The following LARS2 variants were observed in gnomAD, a reference collection of about 807,000 sequenced individuals.
LARS2 encodes leucine--tRNA ligase, mitochondrial.
A neutral mutation model predicts 116.6 loss-of-function variants in LARS2; 81 were observed. The ratio of observed to expected loss-of-function variants is 0.69; its 90% confidence interval spans 0.58 to 0.84. The LOEUF is 0.84. LARS2 is among the 40% of genes least tolerant of loss of function. The probability of loss-of-function intolerance (pLI) is 0.00; values close to 1 mark genes in which losing one functional copy is unlikely to be tolerated. For missense variants in LARS2, 968 were observed against 1,114.5 expected, an observed-to-expected ratio of 0.87 and a Z score of 1.87; for synonymous variants, 396 against 407.2, an observed-to-expected ratio of 0.97 and a Z score of 0.33.
chr3:45,429,572 G>T (rs1160292140), intron 6 of LARS2, among the ~76,000 whole-genome samples: 1 of 151,976 alleles, frequency 6.6e-6, no homozygotes, highest in Non-Finnish European at 1.5e-5. Flanking sequence ...GATAATTTAG[G>T]ATACCCTTCT....
chr3:45,546,482 A>G (rs1559503311), intron 21 of LARS2, among the ~76,000 whole-genome samples: 1 of 152,230 alleles, frequency 6.6e-6, no homozygotes, highest in African/African-American at 2.4e-5. Flanking sequence ...AAATGCCACC[A>G]AGTTCTGCAA....
intron 8 of LARS2, among the ~76,000 whole-genome samples, chr3:45,470,488 T>C (rs1035068724): frequency 6.6e-6 from 1 of 152,158 alleles, no homozygotes; most frequent in Non-Finnish European, 1.5e-5. Flanking sequence ...ACATCTTCGT[T>C]CAGATGGTGT....
chr3:45,436,654 C>T (rs1356079639), intron 6 of LARS2, among the ~76,000 whole-genome samples: 2 of 151,598 alleles, frequency 1.3e-5, no homozygotes, highest in South Asian at 2.1e-4. Flanking sequence ...ATTAGCCGGG[C>T]GCGGTGGCGG....
chr3:45,422,092 C>CA (rs1250836408), intron 6 of LARS2: 1 of 152,162 alleles, frequency 6.6e-6, no homozygotes, highest in Non-Finnish European at 1.5e-5. Context: ...AATGAATTCT[C>CA]AAAAAATCAA....
intron 21 of LARS2, among the ~76,000 whole-genome samples, chr3:45,544,204 G>T (rs1452406956): frequency 6.6e-6 from 1 of 152,212 alleles, no homozygotes; most frequent in African/African-American, 2.4e-5. Context: ...GCTGGGCTCT[G>T]CCCACACCAG....
chr3:45,452,855 T>C (rs1316894303), intron 7 of LARS2, among the ~76,000 whole-genome samples: 1 of 152,192 alleles, frequency 6.6e-6, no homozygotes, highest in East Asian at 1.9e-4. Context: ...TCATGACTTG[T>C]TCTATTCAGG....
intron 2 of LARS2, among the ~76,000 whole-genome samples, chr3:45,393,130 ACTGGATATC>A (rs1334481813): frequency 6.6e-6 from 1 of 152,228 alleles, no homozygotes; most frequent in Admixed American, 6.5e-5. Context: ...TTGAATCACA[ACTGGATATC>A]CTGGTAGGCC....
At chr3:45,396,244 C>G (rs1007670004) in intron 3 of LARS2, among the ~76,000 whole-genome samples, 102 of 152,196 alleles carry the variant, frequency 6.7e-4, no homozygotes, top group African/African-American at 2.4e-3. Context: ...GGGTTTGAAT[C>G]AAGGAATGGC....
At chr3:45,404,739 G>T (rs895031638) in intron 4 of LARS2, among the ~76,000 whole-genome samples, 1 of 152,130 alleles carries the variant, frequency 6.6e-6, no homozygotes, top group Non-Finnish European at 1.5e-5. Context: ...GGGATTACAA[G>T]TACACGCCAC....
chr3:45,436,177 G>T (rs956627992), intron 6 of LARS2, among the ~76,000 whole-genome samples: 1 of 152,132 alleles, frequency 6.6e-6, no homozygotes, highest in Non-Finnish European at 1.5e-5. Context: ...TGGAATTGAT[G>T]ATTGATATTT....
chr3:45,542,468 C>A (rs1196076289), intron 21 of LARS2, among the ~76,000 whole-genome samples: 1 of 152,142 alleles, frequency 6.6e-6, no homozygotes, highest in African/African-American at 2.4e-5. Flanking sequence ...GAGCAAGTAA[C>A]CCCCTTATAG....
intron 21 of LARS2, among the ~76,000 whole-genome samples, chr3:45,544,546 G>A (rs1003780556): frequency 3.3e-5 from 5 of 152,182 alleles, no homozygotes; most frequent in Non-Finnish European, 5.9e-5. Flanking sequence ...AACTTCCCAG[G>A]TGTGAGCTTA....
chr3:45,463,317 G>A (rs935351534), intron 8 of LARS2, among the ~76,000 whole-genome samples: 4 of 152,198 alleles, frequency 2.6e-5, no homozygotes, highest in Non-Finnish European at 5.9e-5. Flanking sequence ...CCATGCACGC[G>A]CCCCTCCTTG....
At chr3:45,471,109 T>C (rs4682787) in intron 8 of LARS2, among the ~76,000 whole-genome samples, 125,814 of 144,586 alleles carry the variant, frequency 0.87, 55,300 homozygotes, top group East Asian at 0.98. Flanking sequence ...AAAACAAAAA[T>C]AGCTCTTTAA....
At chr3:45,526,987 G>C (rs1263933037) in intron 20 of LARS2, among the ~76,000 whole-genome samples, 1 of 152,170 alleles carries the variant, frequency 6.6e-6, no homozygotes, top group Non-Finnish European at 1.5e-5. Flanking sequence ...AGGGTGAGTG[G>C]CACCTCATCC....
intron 7 of LARS2, 145 bp downstream of exon 7, chr3:45,447,125 A>G: frequency 3.6e-6 from 2 of 552,812 alleles, no homozygotes; most frequent in Non-Finnish European, 3.2e-6. Context: ...ACTTAAGTTT[A>G]GTGTCATCAA....
At chr3:45,438,703 T>C (rs1248008882) in intron 6 of LARS2, among the ~76,000 whole-genome samples, 1 of 147,274 alleles carries the variant, frequency 6.8e-6, no homozygotes, top group Non-Finnish European at 1.5e-5. Context: ...GGCATGGTGG[T>C]GGGCTCCTGT....
In LARS2 at chr3:45,474,335, G is replaced by A; in HGVS notation, c.843G>A (p.Leu281=). ...TTGGGGACTGTGTGGGCTGCCACCTGGACTTCACATTAAAGGTGATTAAGT... is the reference window on the plus strand; with the variant it reads ...TTGGGGACTGTGTGGGCTGCCACCTAGACTTCACATTAAAGGTGATTAAGT... ...HWIGDCVGCH[L]DFTLKVHGQA... is the part of the protein sequence containing the mutation. The change falls in exon 9 of 22, where the codon CTG becomes CTA. Residue 281 remains leucine (L), a synonymous_variant. Transcript: ENST00000645846. 1 of 1,603,972 alleles carries A rather than the reference G, an allele frequency of 6.2e-7. No homozygotes were observed. Among genetic ancestry groups the A allele is most frequent in the Non-Finnish European group, 8.5e-7 (1 of 1,171,718 alleles).
chr3:45,500,655 A>T, intron 15 of LARS2, 76 bp downstream of exon 15: 1 of 1,159,014 alleles, frequency 8.6e-7, no homozygotes, highest in South Asian at 1.6e-5. Context: ...GTTCTTCTGA[A>T]GCAAGGTAAA....
Sources: gnomAD v4.1 joint callset for allele counts (sites outside exome capture counted in the v4.1 genomes callset) on GRCh38, gnomAD v4.1.1 for gene constraint, MANE v1.5 for transcripts, NCBI Gene and HGNC (gene_info 2026-07-23, HGNC 2026-07-21) for gene names.